The following URI1 variants were observed in gnomAD, a reference collection of about 807,000 sequenced individuals.
The protein encoded by URI1 is URI1 prefoldin like chaperone.
URI1 carries 39 observed loss-of-function variants against 60.2 expected under a neutral mutation model. The observed-to-expected ratio is 0.65, with a 90% CI of 0.50 to 0.85. The LOEUF (loss-of-function observed/expected upper bound fraction) is 0.85. Ranked by LOEUF, URI1 falls within the 40% of genes least tolerant of loss-of-function variation. The probability of loss-of-function intolerance (pLI) is 0.00; values close to 1 mark genes in which losing one functional copy is unlikely to be tolerated. For missense variants in URI1, 691 were observed against 665.9 expected (o/e 1.04, Z -0.42); for synonymous variants, 251 against 236.8 (o/e 1.06, Z -0.55).
chr19:29,976,091 A>T (rs1417682871), intron 2 of URI1, among the ~76,000 whole-genome samples: 2 of 151,788 alleles, frequency 1.3e-5, no homozygotes, highest in Non-Finnish European at 2.9e-5. Context: ...AGGATTACTA[A>T]ATGAGACCTG....
At chr19:29,960,136 C>G (rs1226150058) in intron 1 of URI1, among the ~76,000 whole-genome samples, 1 of 152,046 alleles carries the variant, frequency 6.6e-6, no homozygotes, top group Non-Finnish European at 1.5e-5. Flanking sequence ...TTTTCTGTTT[C>G]TCTAGTGTGG....
chr19:29,971,502 T>C (rs1477936251), intron 2 of URI1, among the ~76,000 whole-genome samples: 1 of 152,030 alleles, frequency 6.6e-6, no homozygotes, highest in Non-Finnish European at 1.5e-5. Flanking sequence ...TCATTATGAA[T>C]TGGAGACTGA....
chr19:29,978,879 C>T (rs1397364715), intron 2 of URI1, among the ~76,000 whole-genome samples: 1 of 152,072 alleles, frequency 6.6e-6, no homozygotes, highest in Non-Finnish European at 1.5e-5. Flanking sequence ...CCAGGATTGC[C>T]ATTTTTCACT....
intron 4 of URI1, among the ~76,000 whole-genome samples, chr19:30,002,057 G>C (rs1337878777): frequency 6.6e-6 from 1 of 151,926 alleles, no homozygotes; most frequent in African/African-American, 2.4e-5. Flanking sequence ...AAAGAAACGA[G>C]GTTGAGAATA....
At chr19:30,014,753 G>A (rs2056063905) in intron 10 of URI1, 134 bp from the exon 11 acceptor site, 1 of 717,092 alleles carries the variant, frequency 1.4e-6, no homozygotes, top group Non-Finnish European at 2.3e-6. Flanking sequence ...TAGTATTTTG[G>A]TGTAGTAGTG....
intron 1 of URI1, among the ~76,000 whole-genome samples, chr19:29,965,230 A>G (rs1157526982): frequency 6.6e-6 from 1 of 152,208 alleles, no homozygotes; most frequent in Admixed American, 6.5e-5. Flanking sequence ...TCCAGTTAGC[A>G]GCAGGTATCT....
At chr19:29,947,701 C>T (rs1270626014) in intron 1 of URI1, among the ~76,000 whole-genome samples, 1 of 152,182 alleles carries the variant, frequency 6.6e-6, no homozygotes, top group Non-Finnish European at 1.5e-5. Flanking sequence ...TAATGACTGC[C>T]TTTCCAATTA....
At chr19:29,977,576 CCCT>C (rs2055540159) in intron 2 of URI1, among the ~76,000 whole-genome samples, 4 of 20,534 alleles carry the variant, frequency 1.9e-4, no homozygotes, top group Non-Finnish European at 3.1e-4. Flanking sequence ...TTTTTTTTTT[CCCT>C]CCTCTTGAGC....
At chr19:30,001,933 C>A (rs745614637) in intron 4 of URI1, among the ~76,000 whole-genome samples, 4 of 151,960 alleles carry the variant, frequency 2.6e-5, no homozygotes, top group Non-Finnish European at 4.4e-5. Context: ...GAAGTCCAAA[C>A]CTTTGTACTG....
chr19:29,937,082 C>A (rs752186845), intron 1 of URI1, among the ~76,000 whole-genome samples: 1 of 152,162 alleles, frequency 6.6e-6, no homozygotes, highest in Non-Finnish European at 1.5e-5. Context: ...TCTCTCTTTA[C>A]AACTGGACAA....
chr19:29,943,207 C>T (rs2055055512), intron 1 of URI1, among the ~76,000 whole-genome samples: 1 of 152,114 alleles, frequency 6.6e-6, no homozygotes, highest in Admixed American at 6.5e-5. Flanking sequence ...TACCCTTCCC[C>T]ACCTCGCCTC....
chr19:29,960,913 G>T (rs1198020158), intron 1 of URI1, among the ~76,000 whole-genome samples: 1 of 152,012 alleles, frequency 6.6e-6, no homozygotes, highest in Non-Finnish European at 1.5e-5. Context: ...GAGTGCAGTG[G>T]TATGGTCATA....
chr19:29,981,245 G>A (rs969908190), intron 2 of URI1, among the ~76,000 whole-genome samples: 4 of 152,018 alleles, frequency 2.6e-5, no homozygotes, highest in Admixed American at 6.6e-5. Flanking sequence ...TCACCTATCT[G>A]TCTGTACCCT....
intron 1 of URI1, among the ~76,000 whole-genome samples, chr19:29,963,296 T>G (rs1468914972): frequency 1.3e-5 from 2 of 152,194 alleles, no homozygotes; most frequent in African/African-American, 2.4e-5. Flanking sequence ...ATTTTCCATG[T>G]TTTATTTTTG....
intron 2 of URI1, among the ~76,000 whole-genome samples, chr19:29,978,497 A>AT (rs199514705): frequency 0.015 from 2,326 of 150,860 alleles, 49 homozygotes; most frequent in East Asian, 0.081. Context: ...TTCATTTTCC[A>AT]TTTTTTTTTA....
rs769372927 is a variant in URI1 at position 29,942,601 on chromosome 19, G to GGCCCCT, written c.59_64dup (p.Pro20_Ala21dup). 1.4e-5 allele frequency: 17 copies of GGCCCCT among 1,209,762 alleles called. No homozygotes were observed. The highest frequency in any genetic ancestry group is 1.7e-5 in the Non-Finnish European group (16 of 943,888). 74.9% of individuals were successfully genotyped at this position (1,209,762 alleles called of 1,614,324 possible). A position where few individuals can be genotyped will look rare whatever the true frequency, so the allele number is the denominator to read the frequency against. The stretch of plus-strand genomic sequence containing the variant: ...CCGACCCCTCGCCCCCTTCGGCCCC[G>GGCCCCT]GCCCCTGCCCTGGTTCCGTTGCGCG... On this transcript the variant is annotated inframe_insertion, in exon 1 of 11. Coordinates refer to ENST00000392271, the MANE Select transcript of URI1 (RefSeq NM_003796.3).
chr19:29,983,896 A>T (rs2145366279), intron 2 of URI1, among the ~76,000 whole-genome samples: 1 of 152,302 alleles, frequency 6.6e-6, no homozygotes, highest in East Asian at 1.9e-4. Flanking sequence ...TGTTTGATGT[A>T]ACAAGAAACA....
At chr19:30,000,363 T>G (rs1415047452) in intron 4 of URI1, among the ~76,000 whole-genome samples, 7 of 152,064 alleles carry the variant, frequency 4.6e-5, no homozygotes, top group Non-Finnish European at 8.8e-5. Context: ...GCCTTTTATT[T>G]ATTTCCTGTT....
intron 1 of URI1, among the ~76,000 whole-genome samples, chr19:29,947,033 G>C (rs978142082): frequency 3.3e-5 from 5 of 152,196 alleles, no homozygotes; most frequent in Non-Finnish European, 5.9e-5. Context: ...TAAGCCATCA[G>C]AGAGGGCTTC....
Sources: gnomAD v4.1 joint callset for allele counts (sites outside exome capture counted in the v4.1 genomes callset) on GRCh38, gnomAD v4.1.1 for gene constraint, MANE v1.5 for transcripts, NCBI Gene and HGNC (gene_info 2026-07-23, HGNC 2026-07-21) for gene names.